The following NTM variants were observed in gnomAD, a reference collection of about 807,000 sequenced individuals.
The protein encoded by NTM is IgLON family member 2.
A neutral mutation model predicts 42.1 loss-of-function variants in NTM; 13 were observed. The observed-to-expected ratio is 0.31, with a 90% confidence interval of 0.20 to 0.49. The LOEUF is 0.49. Among genes scored for constraint, NTM ranks in the 20% least tolerant of loss-of-function variants. NTM has a pLI of 0.99. For missense variants in NTM, 373 were observed against 452.8 expected (o/e 0.82, Z 1.60); for synonymous variants, 187 against 179.2 (o/e 1.04, Z -0.35).
intron 1 of NTM, among the ~76,000 whole-genome samples, chr11:131,473,099 T>G (rs1952601490): frequency 6.6e-6 from 1 of 152,148 alleles, no homozygotes; most frequent in Non-Finnish European, 1.5e-5. Flanking sequence ...TTTATAAATA[T>G]TGACTCATTT....
chr11:131,788,369 A>G (rs563494611), intron 1 of NTM, among the ~76,000 whole-genome samples: 1 of 152,186 alleles, frequency 6.6e-6, no homozygotes, highest in African/African-American at 2.4e-5. Flanking sequence ...CCTATATATT[A>G]TATAGTATAT....
rs869170505 is a variant in NTM, at chr11:131,881,508, ACC to A, written c.83-30051_83-30050del. ...CACACACACACACACACACACACACACCCCCCAAAGCTTTGACGCAGAGGAGC... is the reference window on the plus strand; with the variant it reads ...CACACACACACACACACACACACACACCCCAAAGCTTTGACGCAGAGGAGC... On this transcript the variant is annotated intron_variant, in intron 1 of 8. Coordinates refer to ENST00000683400, the MANE Select transcript of NTM (RefSeq NM_001352005.2). 4.2e-3 allele frequency among the ~76,000 whole-genome samples: 489 copies of A among 115,974 alleles called. 2 individuals carry two copies. The highest frequency in any genetic ancestry group is 0.024 in the Middle Eastern group (5 of 210). 76.1% of individuals were successfully genotyped at this position (115,974 alleles called of 152,430 possible). A position where few individuals can be genotyped will look rare whatever the true frequency, so the allele number is the denominator to read the frequency against.
intron 1 of NTM, among the ~76,000 whole-genome samples, chr11:131,465,583 G>A (rs1951806428): frequency 6.6e-6 from 1 of 152,112 alleles, no homozygotes; most frequent in African/African-American, 2.4e-5. Context: ...CTAAGCCCCT[G>A]GGATCTGTGT....
rs1555217164 is a variant in NTM, at chr11:132,010,628, T to TC, written c.167+98982dup. On this transcript the variant is annotated intron_variant, in intron 2 of 8. Coordinates refer to ENST00000683400, the MANE Select transcript of NTM (RefSeq NM_001352005.2). ...ACCATTTCTACTGTCTTTTTTTTTT[T>TC]CCTCCATTCTCTTCTGCTAGGCTCT... Among the ~76,000 whole-genome samples the TC allele has an allele frequency of 2.5e-3, 378 of 151,516 alleles. 2 individuals are homozygous for TC. Among genetic ancestry groups the TC allele is most frequent in the African/African-American group, 8.8e-3 (364 of 41,240 alleles).
At chr11:132,323,829 G>A (rs1165372528) in intron 7 of NTM, among the ~76,000 whole-genome samples, 9 of 151,488 alleles carry the variant, frequency 5.9e-5, no homozygotes, top group African/African-American at 2.2e-4. Context: ...TATCCACCAT[G>A]ATCAAGTGGG....
At chr11:131,575,301 GC>G (rs1284470398) in intron 1 of NTM, among the ~76,000 whole-genome samples, 1 of 152,130 alleles carries the variant, frequency 6.6e-6, no homozygotes, top group African/African-American at 2.4e-5. Context: ...GTGACAGGGA[GC>G]CCCCCGTCAC....
At chr11:131,673,003 T>G (rs1482887741) in intron 1 of NTM, among the ~76,000 whole-genome samples, 2 of 147,736 alleles carry the variant, frequency 1.4e-5, no homozygotes, top group Non-Finnish European at 1.5e-5. Context: ...GTGACCGTGT[T>G]CCTTGTCTAT....
intron 1 of NTM, among the ~76,000 whole-genome samples, chr11:131,476,330 G>A (rs1952937123): frequency 6.6e-6 from 1 of 152,196 alleles, no homozygotes; most frequent in African/African-American, 2.4e-5. Context: ...GCAGGGTTGG[G>A]GTCTAAAACC....
chr11:132,040,598 C>A (rs997022562), intron 2 of NTM, among the ~76,000 whole-genome samples: 11 of 152,188 alleles, frequency 7.2e-5, no homozygotes, highest in African/African-American at 2.7e-4. Flanking sequence ...CCCAGGTCCC[C>A]CTGTGATCCT....
At chr11:131,423,299 C>A (rs140546719) in intron 1 of NTM, among the ~76,000 whole-genome samples, 1 of 152,242 alleles carries the variant, frequency 6.6e-6, no homozygotes, top group East Asian at 1.9e-4. Context: ...AAGATCTCAC[C>A]AACTAAGTGT....
At chr11:132,286,397 G>A (rs771028320) in intron 4 of NTM, among the ~76,000 whole-genome samples, 1 of 152,130 alleles carries the variant, frequency 6.6e-6, no homozygotes, top group Admixed American at 6.5e-5. Context: ...CCCTTTCTTG[G>A]AAGAGGACCT....
At chr11:131,373,986 A>G (rs769678988) in intron 1 of NTM, among the ~76,000 whole-genome samples, 17 of 152,204 alleles carry the variant, frequency 1.1e-4, no homozygotes, top group Admixed American at 2.0e-4. Flanking sequence ...TGCCATGCAC[A>G]GTACACACGT....
intron 4 of NTM, among the ~76,000 whole-genome samples, chr11:132,272,789 A>C (rs1224280132): frequency 6.6e-6 from 1 of 151,952 alleles, no homozygotes; most frequent in East Asian, 1.9e-4. Context: ...CTTAGTTTTC[A>C]CTGTATATAA....
chr11:131,453,999 G>A (rs1214772327), intron 1 of NTM, among the ~76,000 whole-genome samples: 1 of 152,106 alleles, frequency 6.6e-6, no homozygotes, highest in South Asian at 2.1e-4. Context: ...ATCAAACATC[G>A]CTCCCAGTCT....
At chr11:131,712,321 C>T (rs547139505) in intron 1 of NTM, among the ~76,000 whole-genome samples, 7 of 151,988 alleles carry the variant, frequency 4.6e-5, no homozygotes, top group Admixed American at 2.0e-4. Flanking sequence ...CCTCCAAATA[C>T]GGAAAAACAG....
chr11:131,581,136 T>C (rs1295978091), intron 1 of NTM, among the ~76,000 whole-genome samples: 1 of 152,262 alleles, frequency 6.6e-6, no homozygotes, highest in Non-Finnish European at 1.5e-5. Flanking sequence ...TTCTTGGTCA[T>C]GGCTTCTCCT....
intron 2 of NTM, among the ~76,000 whole-genome samples, chr11:132,077,471 G>A (rs371932418): frequency 1.6e-4 from 25 of 152,202 alleles, no homozygotes; most frequent in African/African-American, 5.5e-4. Context: ...TTAGAAGCCA[G>A]GAACTGGGAA....
At chr11:131,705,480 GTTC>G (rs1365228817) in intron 1 of NTM, among the ~76,000 whole-genome samples, 1 of 152,096 alleles carries the variant, frequency 6.6e-6, no homozygotes, top group Non-Finnish European at 1.5e-5. Context: ...GCTCAAATAA[GTTC>G]TTCAAGTTGA....
At chr11:131,382,071 A>G (rs1329883605) in intron 1 of NTM, among the ~76,000 whole-genome samples, 4 of 152,178 alleles carry the variant, frequency 2.6e-5, no homozygotes, top group Non-Finnish European at 5.9e-5. Context: ...AAATTTTTTC[A>G]TAGTAAGAAT....
Sources: allele counts gnomAD v4.1 joint callset (sites outside exome capture counted in the v4.1 genomes callset), GRCh38; gene constraint gnomAD v4.1.1; transcripts MANE v1.5; gene names NCBI Gene and HGNC (gene_info 2026-07-23, HGNC 2026-07-21).